Variants in MEGF6 observed in about 807,000 individuals in gnomAD.
MEGF6 encodes multiple epidermal growth factor-like domains protein 6.
MEGF6 carries 184 observed loss-of-function variants against 207.1 expected under a neutral mutation model. The ratio of observed to expected loss-of-function variants is 0.89; its 90% CI spans 0.79 to 1.00. MEGF6 has a LOEUF of 1.00. Ranked by LOEUF, MEGF6 falls within the 50% of genes least tolerant of loss-of-function variation. MEGF6 has a pLI of 0.00. For missense variants in MEGF6, 2,282 were observed against 2,202.9 expected, an observed-to-expected ratio of 1.04 and a Z score of -0.72; for synonymous variants, 1,038 against 910.0, an observed-to-expected ratio of 1.14 and a Z score of -2.53.
At chr1:3,585,858 G>T (rs1643886139) in intron 3 of MEGF6, among the ~76,000 whole-genome samples, 1 of 147,852 alleles carries the variant, frequency 6.8e-6, no homozygotes, top group African/African-American at 2.5e-5. Flanking sequence ...GAGGACACTT[G>T]TCCTGTGTGT....
At chr1:3,599,567 T>A (rs1483935417) in intron 2 of MEGF6, among the ~76,000 whole-genome samples, 1 of 152,194 alleles carries the variant, frequency 6.6e-6, no homozygotes, top group East Asian at 1.9e-4. Flanking sequence ...CAGAGCCACA[T>A]GTGGCACCCT....
At chr1:3,618,919 G>A in the MEGF6 span, among the ~76,000 whole-genome samples, 16 of 152,322 alleles carry the variant, frequency 1.1e-4, no homozygotes, top group Non-Finnish European at 2.2e-4. This position sits in a 1 kb window ranked among gnomAD's most constrained non-coding sequence, Gnocchi z 4.7. Context: ...AGCTGGTGCC[G>A]GCACCTAGAG....
intron 1 of MEGF6, among the ~76,000 whole-genome samples, chr1:3,609,330 C>G (rs1644294883): frequency 6.6e-6 from 1 of 152,238 alleles, no homozygotes; most frequent in African/African-American, 2.4e-5. Context: ...AGGGTCCCCG[C>G]ACTCACTCAG....
rs1339815622 is a variant in MEGF6, at chr1:3,505,319, G to A, written c.2077C>T (p.Pro693Ser). The part of the protein sequence containing the change: ...QAECELGYFG[P>S]GCWQACTCPV... ...CAGGTGCATGCCTGCCAGCACCCCG[G>A]CCCAAAGTAGCCCAGCTCACACTCT... The change falls in exon 17 of 37, where the codon CCG becomes TCG. Residue 693 changes from proline (P) to serine (S), a missense_variant. Transcript: ENST00000356575. The A allele has an allele frequency of 6.2e-7, 1 of 1,611,236 alleles. No homozygotes were observed. Among genetic ancestry groups the A allele is most frequent in the African/African-American group, 1.3e-5 (1 of 74,802 alleles).
intron 8 of MEGF6, 67 bp from the exon 9 acceptor site, chr1:3,511,754 C>A (rs1641354496): frequency 6.4e-7 from 1 of 1,560,012 alleles, no homozygotes; most frequent in Non-Finnish European, 8.7e-7. Context: ...ACCTTAGTTA[C>A]CCCTACCTCC....
chr1:3,566,474 G>A (rs1241099327), intron 4 of MEGF6, among the ~76,000 whole-genome samples: 1 of 152,206 alleles, frequency 6.6e-6, no homozygotes, highest in Non-Finnish European at 1.5e-5. Flanking sequence ...TTGGCAGCCA[G>A]GCCAAGAACC....
intron 26 of MEGF6, 148 bp from the exon 27 acceptor site, chr1:3,497,509 C>CT: frequency 1.8e-6 from 2 of 1,083,324 alleles, no homozygotes. Flanking sequence ...CACCTGGAGC[C>CT]CCCCGCCACC....
intron 35 of MEGF6, among the ~76,000 whole-genome samples, chr1:3,491,834 A>C (rs1640385382): frequency 6.6e-6 from 1 of 151,464 alleles, no homozygotes; most frequent in South Asian, 2.1e-4. Context: ...GGCATCCCAA[A>C]AGCACTGCCT....
Position 3,501,013 on chromosome 1 carries a change from C to A in MEGF6, c.2528G>T (p.Gly843Val), listed in dbSNP as rs760344919. 1.2e-6 allele frequency: 2 copies of A among 1,612,568 alleles called. No individual in the cohort carries two copies. The highest frequency in any genetic ancestry group is 1.7e-5 in the Admixed American group (1 of 60,020). The change falls in exon 20 of 37, where the codon GGA becomes GTA. Residue 843 changes from glycine to valine, a missense_variant. By Grantham distance (109) the Gly-to-Val change is moderately radical. Transcript: ENST00000356575. ...CCACCCGGGGGCACAGCTGCAGTGT[C>A]CGGTGGCTGGGTGGCAGTGCCCATC... is the stretch of plus-strand genomic sequence containing the variant. ...ANDGHCHPAT[G>V]HCSCAPGWTG...
chr1:3,586,670 G>A (rs1050019359), intron 3 of MEGF6, among the ~76,000 whole-genome samples: 30 of 152,302 alleles, frequency 2.0e-4, no homozygotes, highest in Non-Finnish European at 3.8e-4. Context: ...CTGGCATGCG[G>A]CCCGAACGGA....
chr1:3,544,504 G>A (rs1017088874), intron 4 of MEGF6, among the ~76,000 whole-genome samples: 7 of 152,154 alleles, frequency 4.6e-5, no homozygotes, highest in South Asian at 2.1e-4. Context: ...GGACCCCCAC[G>A]CAGCATCCTG....
At position 3,489,761 on chromosome 1, in the gene MEGF6, C is replaced by G. The variant is rs968862294; in HGVS notation, c.*767G>C. 6.6e-6 allele frequency among the ~76,000 whole-genome samples: 1 copy of G among 152,222 alleles called. No individual in the cohort carries two copies. The highest frequency in any genetic ancestry group is 2.1e-4 in the South Asian group (1 of 4,838). ...GCGTTCTCCTCAATAGCACTGGGAA[C>G]TGAGATGAGTCCCAACTTCTTCACT... is the stretch of plus-strand genomic sequence containing the variant. On this transcript the variant is annotated 3_prime_UTR_variant, in exon 37 of 37. Transcript: ENST00000356575.
chr1:3,488,668 C>G lies in MEGF6; in HGVS notation c.*1860G>C, dbSNP rs1043575866. Among the ~76,000 whole-genome samples, 3 of 152,232 alleles carry G rather than the reference C, an allele frequency of 2.0e-5. No individual in the cohort carries two copies. Among genetic ancestry groups the G allele is most frequent in the African/African-American group, 7.2e-5 (3 of 41,448 alleles). On this transcript the variant is annotated 3_prime_UTR_variant, in exon 37 of 37. Coordinates refer to ENST00000356575, the MANE Select transcript of MEGF6 (RefSeq NM_001409.4). The stretch of plus-strand genomic sequence containing the variant: ...AGCCTTCAAATATTTCCTTCAAACT[C>G]TGAGGATGGAACATCACAGTTTTCT...
chr1:3,548,019 A>C (rs1413703897), intron 4 of MEGF6, among the ~76,000 whole-genome samples: 3 of 151,946 alleles, frequency 2.0e-5, no homozygotes, highest in African/African-American at 7.3e-5. Flanking sequence ...CCAAACTTCC[A>C]GGAATGTTCA....
At chr1:3,563,997 T>C (rs1643277502) in intron 4 of MEGF6, among the ~76,000 whole-genome samples, 1 of 152,136 alleles carries the variant, frequency 6.6e-6, no homozygotes, top group South Asian at 2.1e-4. Flanking sequence ...AACTGCTCGT[T>C]GTAAGGGATA....
chr1:3,593,386 C>T (rs1018085232), intron 3 of MEGF6, among the ~76,000 whole-genome samples: 11 of 152,206 alleles, frequency 7.2e-5, no homozygotes, highest in East Asian at 1.9e-4. Context: ...AACGCGGCTG[C>T]GCACACCTCT....
At chr1:3,579,952 G>T (rs775305380) in intron 3 of MEGF6, 23 bp from the exon 4 acceptor site, 1 of 1,483,468 alleles carries the variant, frequency 6.7e-7, no homozygotes. Flanking sequence ...GGAGAAAATC[G>T]GTGAGAGGGG....
intron 4 of MEGF6, among the ~76,000 whole-genome samples, chr1:3,543,580 C>T (rs904018353): frequency 2.2e-4 from 34 of 152,158 alleles, no homozygotes; most frequent in Non-Finnish European, 4.0e-4. Flanking sequence ...GGGCGGGAGG[C>T]GGGGCGAGGC....
At chr1:3,595,575 G>T in intron 2 of MEGF6, 128 bp from the exon 3 acceptor site, 4 of 735,764 alleles carry the variant, frequency 5.4e-6, no homozygotes, top group Non-Finnish European at 9.0e-6. Flanking sequence ...CAGCACCAAG[G>T]TTCCTGGGTG....
Sources: gnomAD v4.1 joint callset for allele counts (sites outside exome capture counted in the v4.1 genomes callset) on GRCh38, gnomAD v4.1.1 for gene constraint, Gnocchi (gnomAD v3.1) non-coding constraint, MANE v1.5 for transcripts, NCBI Gene and HGNC (gene_info 2026-07-23, HGNC 2026-07-21) for gene names.